The following PGBD5 variants were observed in gnomAD, a reference collection of about 807,000 sequenced individuals.
PGBD5 encodes the protein piggyBac transposable element-derived protein 5.
Under a neutral mutation model 47.9 loss-of-function variants are expected in PGBD5, and 14 were observed. That is an observed-to-expected ratio of 0.29 (90% confidence interval 0.19 to 0.46). The LOEUF is 0.46. PGBD5 is among the 20% of genes least tolerant of loss of function. The pLI is 1.00. For missense variants in PGBD5, 635 were observed against 716.0 expected (o/e 0.89, Z 1.29); for synonymous variants, 316 against 306.3 (o/e 1.03, Z -0.33).
rs776683374 is a variant in PGBD5 at position 230,350,970 on chromosome 1, G to A, written c.882C>T (p.Gly294=). 4.3e-6 allele frequency: 7 copies of A among 1,614,036 alleles called. No homozygotes were observed. The South Asian group carries it at 4.4e-5, about 10-fold the overall frequency. The part of the protein sequence containing the change: ...SLWVRQCSST[G]FIIQIYVHLK... ...GCCCAGGGCTCACCTGGATGATGAA[G>A]CCAGTGGAAGAACATTGTCTGACCC... Residue 294 remains glycine (G), a synonymous_variant, in exon 3 of 7, where the codon GGC becomes GGT. Transcript: ENST00000391860.
intron 5 of PGBD5, among the ~76,000 whole-genome samples, chr1:230,332,442 T>C (rs1483727657): frequency 6.6e-6 from 1 of 152,244 alleles, no homozygotes; most frequent in Non-Finnish European, 1.5e-5. Context: ...AGACAGCGCA[T>C]ATGCTTTACT....
intron 1 of PGBD5, among the ~76,000 whole-genome samples, chr1:230,360,831 T>C (rs1445027414): frequency 6.6e-6 from 1 of 152,228 alleles, no homozygotes; most frequent in African/African-American, 2.4e-5. Flanking sequence ...AATATGGCCC[T>C]GGCATGGGCA....
chr1:230,396,030 CTTGCTTCCGTCTTCCCT>C (rs941959803), intron 1 of PGBD5, among the ~76,000 whole-genome samples: 274 of 144,638 alleles, frequency 1.9e-3, no homozygotes, highest in Non-Finnish European at 3.4e-3. Flanking sequence ...TTTCTGCTCC[CTTGCTTCCGTCTTCCCT>C]TTGCTTCCCT....
intron 1 of PGBD5, among the ~76,000 whole-genome samples, chr1:230,416,792 G>A (rs955295038): frequency 2.6e-5 from 4 of 152,224 alleles, no homozygotes; most frequent in African/African-American, 9.6e-5. Flanking sequence ...GGAAGTTACT[G>A]GAGGAGTTTA....
intron 1 of PGBD5, among the ~76,000 whole-genome samples, chr1:230,404,611 C>CAAA (rs747306411): frequency 1.0e-5 from 1 of 100,362 alleles, no homozygotes; most frequent in Non-Finnish European, 2.0e-5. Flanking sequence ...AGTCTTGTCT[C>CAAA]AAAAAAAAAA....
At position 230,351,032 on chromosome 1, in the gene PGBD5, C is replaced by G; in HGVS notation, c.820G>C (p.Glu274Gln). ...PVFIATCTER[E>Q]LRKRKKRKFS... ...TTCCGCTTTTTCCTCTTTCGCAGCT[C>G]CCGCTCTGTGCACGTGGCAATGAAT... Residue 274 changes from glutamate (E) to glutamine (Q), a missense_variant, in exon 3 of 7, where the codon GAG (glutamate) becomes CAG (glutamine). Transcript: ENST00000391860. The G allele has an allele frequency of 1.9e-6, 3 of 1,614,116 alleles. No homozygotes were observed. In the East Asian group the frequency reaches 6.7e-5, roughly 36 times the overall value.
chr1:230,337,121 C>T lies in PGBD5; in HGVS notation c.1062G>A (p.Glu354=), dbSNP rs763004626. 1.2e-6 allele frequency: 2 copies of T among 1,613,978 alleles called. No individual in the cohort carries two copies. Among genetic ancestry groups the T allele is most frequent in the Admixed American group, 1.7e-5 (1 of 60,008 alleles). Residue 354 remains glutamate, a synonymous_variant, in exon 4 of 7, where the codon GAG becomes GAA. Transcript: ENST00000391860. ...CACTTGACTAACCTTGCTTCTCAAACTCTTCAAACAGCGTCAGGCTGGTGA... is the reference window on the plus strand; with the variant it reads ...CACTTGACTAACCTTGCTTCTCAAATTCTTCAAACAGCGTCAGGCTGGTGA... ...PSITSLTLFE[E]FEKQGIYCCG...
At chr1:230,348,183 T>G (rs77491833) in intron 3 of PGBD5, among the ~76,000 whole-genome samples, 2 of 152,224 alleles carry the variant, frequency 1.3e-5, no homozygotes, top group Non-Finnish European at 2.9e-5. Context: ...AAATGTCCTG[T>G]GTACAGAACC....
intron 1 of PGBD5, among the ~76,000 whole-genome samples, chr1:230,359,381 CA>C (rs1667708631): frequency 6.6e-6 from 1 of 152,264 alleles, no homozygotes; most frequent in African/African-American, 2.4e-5. Flanking sequence ...CGATTGCTAA[CA>C]AAAGTTGTTC....
At chr1:230,408,101 G>A (rs569637179) in intron 1 of PGBD5, among the ~76,000 whole-genome samples, 3 of 152,012 alleles carry the variant, frequency 2.0e-5, no homozygotes, top group African/African-American at 2.4e-5. Flanking sequence ...CAACTGAATC[G>A]CTCTTAATTT....
chr1:230,399,593 C>T (rs1260380467), intron 1 of PGBD5, among the ~76,000 whole-genome samples: 2 of 152,222 alleles, frequency 1.3e-5, no homozygotes, highest in African/African-American at 4.8e-5. Context: ...TAGAGCCAGC[C>T]TTCTGGTCTG....
Position 230,413,600 on chromosome 1 carries a change from T to A in PGBD5, c.331+11998A>T, listed in dbSNP as rs545206402. 2.6e-5 allele frequency among the ~76,000 whole-genome samples: 4 copies of A among 152,264 alleles called. No homozygotes were observed. In the South Asian group the frequency reaches 8.3e-4, roughly 32 times the overall value. On this transcript the variant is annotated intron_variant, in intron 1 of 6. Coordinates refer to ENST00000391860, the MANE Select transcript of PGBD5 (RefSeq NM_001258311.2). ...AAAAGCAAATGCAATGGAGATTTTT[T>A]AAATCATTAAAAAAATATACTGCAT...
chr1:230,335,752 C>CAA (rs1553282058), intron 4 of PGBD5, among the ~76,000 whole-genome samples: 4 of 136 alleles, frequency 0.029, no homozygotes, highest in Admixed American at 0.083. Flanking sequence ...CAAAGACACA[C>CAA]ACAGATACAC....
Position 230,423,722 on chromosome 1 carries a change from A to C in PGBD5, c.331+1876T>G, listed in dbSNP as rs115544463. On this transcript the variant is annotated intron_variant, in intron 1 of 6. Transcript: ENST00000391860. ...ATTCTAAATCAGATGTGGAGTTAAA[A>C]GGCAAGCTCCCACACAGGGCAGGAA... Among the ~76,000 whole-genome samples the C allele has an allele frequency of 6.0e-3, 918 of 152,290 alleles. 5 individuals carry two copies. Among genetic ancestry groups the C allele is most frequent in the Non-Finnish European group, 9.8e-3 (667 of 68,024 alleles).
intron 3 of PGBD5, among the ~76,000 whole-genome samples, chr1:230,344,406 C>A (rs913785908): frequency 6.6e-6 from 1 of 152,202 alleles, no homozygotes; most frequent in Non-Finnish European, 1.5e-5. Context: ...GTTTCCTTAC[C>A]AAGAAACAGT....
intron 3 of PGBD5, among the ~76,000 whole-genome samples, chr1:230,345,365 C>A (rs549256245): frequency 6.6e-6 from 1 of 152,208 alleles, no homozygotes; most frequent in Admixed American, 6.5e-5. Context: ...AGGTGGCTTT[C>A]CCCTACACTG....
intron 1 of PGBD5, among the ~76,000 whole-genome samples, chr1:230,378,275 C>A (rs1209100057): frequency 6.6e-6 from 1 of 152,170 alleles, no homozygotes; most frequent in Non-Finnish European, 1.5e-5. Flanking sequence ...ACTGCCATTG[C>A]AGGGATTATA....
intron 1 of PGBD5, among the ~76,000 whole-genome samples, chr1:230,397,564 C>T (rs1210474619): frequency 6.6e-6 from 1 of 152,122 alleles, no homozygotes; most frequent in Non-Finnish European, 1.5e-5. Context: ...CAAGTTCATG[C>T]CTGAGAACAA....
At chr1:230,328,514 G>A (rs1667159555) in intron 5 of PGBD5, among the ~76,000 whole-genome samples, 1 of 152,192 alleles carries the variant, frequency 6.6e-6, no homozygotes, top group South Asian at 2.1e-4. Flanking sequence ...GATAGTGACT[G>A]TCTTGACTGA....
Sources: allele counts gnomAD v4.1 joint callset (sites outside exome capture counted in the v4.1 genomes callset), GRCh38; gene constraint gnomAD v4.1.1; transcripts MANE v1.5; gene names NCBI Gene and HGNC (gene_info 2026-07-23, HGNC 2026-07-21).